The following UNC13C variants were observed in gnomAD, a reference collection of about 807,000 sequenced individuals.
UNC13C encodes unc-13 homolog C.
A neutral mutation model predicts 245.4 loss-of-function variants in UNC13C; 174 were observed. That is an observed-to-expected ratio of 0.71 (90% CI 0.63 to 0.80). UNC13C has a LOEUF of 0.80. Ranked by LOEUF, UNC13C falls within the 30% of genes least tolerant of loss-of-function variation. The pLI is 0.00. For synonymous variants in UNC13C, 992 were observed against 895.1 expected (o/e 1.11, Z -1.93); for missense variants, 2,829 against 2,602.9 (o/e 1.09, Z -1.89).
chr15:54,006,042 G>C (rs1479890928), intron 1 of UNC13C, among the ~76,000 whole-genome samples: 2 of 152,130 alleles, frequency 1.3e-5, no homozygotes, highest in East Asian at 3.9e-4. Flanking sequence ...TAATTTTAGA[G>C]TTAGGCGATT....
chr15:54,303,266 C>T (rs1028056957), intron 13 of UNC13C, among the ~76,000 whole-genome samples: 1 of 152,120 alleles, frequency 6.6e-6, no homozygotes, highest in Non-Finnish European at 1.5e-5. Flanking sequence ...TGATTCAGAA[C>T]ACCTAGTATA....
At chr15:54,375,584 A>T (rs1237296040) in intron 17 of UNC13C, among the ~76,000 whole-genome samples, 1 of 152,276 alleles carries the variant, frequency 6.6e-6, no homozygotes, top group Admixed American at 6.5e-5. Flanking sequence ...ATCAATGAAA[A>T]GAAGGACTAC....
At chr15:54,096,130 T>C (rs1249721869) in intron 2 of UNC13C, among the ~76,000 whole-genome samples, 3 of 152,316 alleles carry the variant, frequency 2.0e-5, no homozygotes, top group Non-Finnish European at 2.9e-5. Flanking sequence ...TCATTTAGAA[T>C]GAAATGAGGG....
At chr15:54,012,199 A>G (rs1182862681) in intron 1 of UNC13C, among the ~76,000 whole-genome samples, 3 of 152,212 alleles carry the variant, frequency 2.0e-5, no homozygotes, top group African/African-American at 7.2e-5. Flanking sequence ...AAGAGGTTAT[A>G]TATATATAGA....
At chr15:54,603,945 G>A (rs1236141352) in intron 30 of UNC13C, among the ~76,000 whole-genome samples, 1 of 152,020 alleles carries the variant, frequency 6.6e-6, no homozygotes, top group Non-Finnish European at 1.5e-5. Flanking sequence ...ACCTGACTGA[G>A]TGCAGCCTTC....
intron 2 of UNC13C, chr15:54,048,449 T>G: frequency 1.7e-6 from 1 of 605,396 alleles, no homozygotes; most frequent in Non-Finnish European, 3.2e-6. Context: ...TGATCTGGAT[T>G]GCTTGATAAT....
intron 1 of UNC13C, among the ~76,000 whole-genome samples, chr15:53,981,352 C>A (rs546239332): frequency 1.1e-4 from 17 of 152,224 alleles, no homozygotes; most frequent in Admixed American, 8.5e-4. Context: ...CCAAGAAAAA[C>A]AATCCTGCTT....
intron 1 of UNC13C, among the ~76,000 whole-genome samples, chr15:53,996,006 T>TAA (rs760820698): frequency 2.0e-5 from 3 of 152,136 alleles, no homozygotes; most frequent in Non-Finnish European, 4.4e-5. Context: ...GTTTTTTGTT[T>TAA]ACAACATGGA....
intron 10 of UNC13C, among the ~76,000 whole-genome samples, chr15:54,268,909 A>G (rs1239900716): frequency 6.6e-6 from 1 of 151,984 alleles, no homozygotes; most frequent in Non-Finnish European, 1.5e-5. Context: ...GATTGTTGAA[A>G]TCTTCCTTCT....
chr15:53,964,480 A>G, the UNC13C span, among the ~76,000 whole-genome samples: 1 of 152,192 alleles, frequency 6.6e-6, no homozygotes, highest in Non-Finnish European at 1.5e-5. Context: ...TCAAATAATT[A>G]CTGGGTAGCC....
intron 4 of UNC13C, among the ~76,000 whole-genome samples, chr15:54,200,978 G>A (rs2034503634): frequency 6.6e-6 from 1 of 152,044 alleles, no homozygotes; most frequent in African/African-American, 2.4e-5. Context: ...GAAACGAAAC[G>A]TGAGATATTA....
At chr15:53,968,167 AG>A in the UNC13C span, 1 of 152,170 alleles carries the variant, frequency 6.6e-6, no homozygotes, top group African/African-American at 2.4e-5. Flanking sequence ...ATGAAGGGAA[AG>A]GTGATCCAAC....
chr15:54,137,034 G>T (rs1261312751), intron 2 of UNC13C, among the ~76,000 whole-genome samples: 1 of 151,960 alleles, frequency 6.6e-6, no homozygotes, highest in African/African-American at 2.4e-5. Flanking sequence ...ATAGTGTCTT[G>T]CCCCAGCTAG....
At chr15:54,587,558 AC>A (rs1221686935) in intron 30 of UNC13C, among the ~76,000 whole-genome samples, 5 of 152,194 alleles carry the variant, frequency 3.3e-5, no homozygotes, top group African/African-American at 1.2e-4. Context: ...GGAGTTTGGG[AC>A]CAGCCTTCAG....
At chr15:54,607,478 G>A (rs1899828660) in intron 30 of UNC13C, among the ~76,000 whole-genome samples, 1 of 152,134 alleles carries the variant, frequency 6.6e-6, no homozygotes, top group Middle Eastern at 3.2e-3. Context: ...GATTGTTAGA[G>A]TGACCGTTCT....
chr15:54,392,994 T>G (rs1230732615), intron 17 of UNC13C, 54 bp from the exon 18 acceptor site: 1 of 1,468,844 alleles, frequency 6.8e-7, no homozygotes, highest in African/African-American at 1.4e-5. Context: ...GACATCTAAC[T>G]AAAGTCATCC....
intron 18 of UNC13C, among the ~76,000 whole-genome samples, chr15:54,411,349 T>A (rs2040412972): frequency 6.6e-6 from 1 of 152,196 alleles, no homozygotes; most frequent in South Asian, 2.1e-4. Context: ...TTCATGAAGT[T>A]CAATTTATCA....
the UNC13C span, among the ~76,000 whole-genome samples, chr15:53,897,508 G>A: frequency 6.6e-6 from 1 of 152,236 alleles, no homozygotes; most frequent in South Asian, 2.1e-4. Flanking sequence ...TTGAACTCCT[G>A]GCCTCAAGTG....
chr15:54,097,684 CTAG>C (rs919398718), intron 2 of UNC13C, among the ~76,000 whole-genome samples: 1 of 152,092 alleles, frequency 6.6e-6, no homozygotes, highest in African/African-American at 2.4e-5. Context: ...TGTAATTCAT[CTAG>C]TAGTAATTCA....
Sources: allele counts gnomAD v4.1 joint callset (sites outside exome capture counted in the v4.1 genomes callset), GRCh38; gene constraint gnomAD v4.1.1; transcripts MANE v1.5; gene names NCBI Gene and HGNC (gene_info 2026-07-23, HGNC 2026-07-21).